Variants in ERAP1 observed in about 807,000 individuals in gnomAD.
ERAP1 encodes the protein endoplasmic reticulum aminopeptidase 1, also known as adipocyte-derived leucine aminopeptidase.
In ERAP1, 86 loss-of-function variants were observed where a neutral mutation model predicts 103.7. That is an observed-to-expected ratio of 0.83 (90% confidence interval 0.70 to 0.99). ERAP1 has a LOEUF of 0.99. ERAP1 is among the 50% of genes least tolerant of loss of function. ERAP1 has a pLI of 0.00. For synonymous variants in ERAP1, 398 were observed against 402.4 expected (o/e 0.99, Z 0.13); for missense variants, 1,009 against 1,128.4 (o/e 0.89, Z 1.52).
At chr5:96,830,240 T>C in the ERAP1 span, among the ~76,000 whole-genome samples, 1 of 152,164 alleles carries the variant, frequency 6.6e-6, no homozygotes, top group Admixed American at 6.5e-5. Flanking sequence ...CTCCAGAAAT[T>C]ACATGATGAT....
At chr5:96,934,351 C>T in the ERAP1 span, 1 of 152,150 alleles carries the variant, frequency 6.6e-6, no homozygotes, top group African/African-American at 2.4e-5. Context: ...TGAGCCGAGA[C>T]TTAAATGACA....
chr5:96,769,479 G>A (rs781715036), intron 19 of ERAP1: 3 of 144,454 alleles, frequency 2.1e-5, no homozygotes, highest in Non-Finnish European at 3.0e-5. Context: ...ACATTTTATT[G>A]TGTATATTTG....
At chr5:96,905,796 A>G in the ERAP1 span, among the ~76,000 whole-genome samples, 2 of 152,140 alleles carry the variant, frequency 1.3e-5, no homozygotes, top group African/African-American at 4.8e-5. Flanking sequence ...AGGCACATGA[A>G]TCGCTTGAAC....
the ERAP1 span, among the ~76,000 whole-genome samples, chr5:96,932,317 A>G: frequency 6.6e-6 from 1 of 152,258 alleles, no homozygotes; most frequent in Non-Finnish European, 1.5e-5. Flanking sequence ...AATGTGTTCA[A>G]TGAATTAATG....
the ERAP1 span, among the ~76,000 whole-genome samples, chr5:96,910,688 T>C: frequency 3.3e-5 from 5 of 152,240 alleles, no homozygotes; most frequent in African/African-American, 9.6e-5. Context: ...GAAAATATTC[T>C]AGGTAAACTT....
intron 10 of ERAP1, 91 bp from the exon 11 acceptor site, chr5:96,788,776 C>T: frequency 6.6e-7 from 1 of 1,518,900 alleles, no homozygotes; most frequent in Non-Finnish European, 8.9e-7. Context: ...ACAGCCGCTA[C>T]CAGTTGCCAA....
At chr5:96,813,853 T>C in the ERAP1 span, among the ~76,000 whole-genome samples, 7 of 152,074 alleles carry the variant, frequency 4.6e-5, no homozygotes, top group Non-Finnish European at 7.4e-5. Context: ...GTTCTCGTGT[T>C]ATAATGTTTT....
At chr5:96,855,800 T>G in the ERAP1 span, among the ~76,000 whole-genome samples, 2 of 152,076 alleles carry the variant, frequency 1.3e-5, no homozygotes, top group Admixed American at 1.3e-4. Context: ...GTTGGTCTTG[T>G]AGGTAAAAGG....
chr5:96,781,839 C>T lies in ERAP1; in HGVS notation c.2301G>A (p.Val767=), dbSNP rs1424310872. The T allele has an allele frequency of 6.2e-7, 1 of 1,613,806 alleles. No individual in the cohort carries two copies. The highest frequency in any genetic ancestry group is 2.2e-5 in the East Asian group (1 of 44,896). The change falls in exon 16 of 19, where the codon GTG becomes GTA. Residue 767 remains valine, a synonymous_variant. Coordinates refer to ENST00000443439, the MANE Select transcript of ERAP1 (RefSeq NM_001040458.3). ...CCCCCACAGCAAACACTGCCAAGGT[C>T]ACGTCGACAGGCAGGCTATAGAAAG... ...SNGNLSLPVD[V]TLAVFAVGAQ...
chr5:96,818,796 A>T, the ERAP1 span, among the ~76,000 whole-genome samples: 1 of 152,188 alleles, frequency 6.6e-6, no homozygotes, highest in South Asian at 2.1e-4. Flanking sequence ...ACTTAAAGGA[A>T]GGTAGTGTCT....
the ERAP1 span, among the ~76,000 whole-genome samples, chr5:96,819,522 TGAGA>T: frequency 4.6e-5 from 7 of 152,074 alleles, no homozygotes; most frequent in East Asian, 3.8e-4. Context: ...TGTGTGTGTG[TGAGA>T]GAGAGAGAGA....
At position 96,783,985 on chromosome 5, in the gene ERAP1, A is replaced by T; in HGVS notation, c.2039T>A (p.Leu680Gln). Reference protein sequence around the residue: ...IMPVFQGLNELIPMYKLMEKR... With the variant: ...IMPVFQGLNEQIPMYKLMEKR... ...CTCCATTAACTTATACATAGGAATC[A>T]GCTCATTCAAACCTTGAAACACGGG... Residue 680 changes from leucine to glutamine, a missense_variant, in exon 14 of 19, where the codon CTG becomes CAG. Coordinates refer to ENST00000443439, the MANE Select transcript of ERAP1 (RefSeq NM_001040458.3). 6.2e-7 allele frequency: 1 copy of T among 1,614,022 alleles called. No individual in the cohort carries two copies. The highest frequency in any genetic ancestry group is 8.5e-7 in the Non-Finnish European group (1 of 1,179,932).
intron 10 of ERAP1, among the ~76,000 whole-genome samples, chr5:96,789,906 G>A (rs965899050): frequency 1.3e-5 from 2 of 152,226 alleles, no homozygotes; most frequent in African/African-American, 4.8e-5. Flanking sequence ...ACATGTGCCT[G>A]ACACATGACA....
At chr5:96,802,250 A>G (rs1292331031) in intron 2 of ERAP1, among the ~76,000 whole-genome samples, 1 of 152,166 alleles carries the variant, frequency 6.6e-6, no homozygotes, top group Non-Finnish European at 1.5e-5. Flanking sequence ...GGGATTAAAG[A>G]TATTAATGTA....
At chr5:96,890,954 C>T in the ERAP1 span, among the ~76,000 whole-genome samples, 8 of 152,044 alleles carry the variant, frequency 5.3e-5, no homozygotes, top group East Asian at 1.9e-4. Flanking sequence ...TTAAGACTAA[C>T]GGAAAAGAAG....
chr5:96,777,148 A>G (rs999199344), intron 18 of ERAP1, among the ~76,000 whole-genome samples: 2 of 152,054 alleles, frequency 1.3e-5, no homozygotes, highest in Non-Finnish European at 2.9e-5. Context: ...GAGATAAGAA[A>G]CTCTTGGCTA....
the ERAP1 span, chr5:96,889,478 A>T: frequency 3.9e-6 from 3 of 764,082 alleles, no homozygotes; most frequent in Non-Finnish European, 6.9e-6. Flanking sequence ...TAAAATATTT[A>T]TGACATGCCC....
chr5:96,881,535 C>G, the ERAP1 span: 2 of 452,484 alleles, frequency 4.4e-6, no homozygotes, highest in Non-Finnish European at 8.9e-6. Flanking sequence ...TGTTCAATTG[C>G]CAGTTGGAGA....
intron 12 of ERAP1, 172 bp from the exon 13 acceptor site, chr5:96,786,143 C>T (rs1281311408): frequency 1.5e-6 from 1 of 670,940 alleles, no homozygotes. Context: ...CAAAAGCTAA[C>T]ACTAGCTTTA....
Sources: allele counts gnomAD v4.1 joint callset (sites outside exome capture counted in the v4.1 genomes callset), GRCh38; gene constraint gnomAD v4.1.1; transcripts MANE v1.5; gene names NCBI Gene and HGNC (gene_info 2026-07-23, HGNC 2026-07-21).